Variants in GRID2 observed in about 807,000 individuals in gnomAD.
The protein encoded by GRID2 is glutamate receptor ionotropic, delta-2.
A neutral mutation model predicts 114.8 loss-of-function variants in GRID2; 33 were observed. That is an observed-to-expected ratio of 0.29 (90% CI 0.22 to 0.38). The LOEUF is 0.38. Ranked by LOEUF, GRID2 falls within the 10% of genes least tolerant of loss-of-function variation. The probability of loss-of-function intolerance (pLI) is 1.00; values close to 1 mark genes in which losing one functional copy is unlikely to be tolerated. For synonymous variants in GRID2, 505 were observed against 449.9 expected (o/e 1.12, Z -1.55); for missense variants, 1,184 against 1,257.7 (o/e 0.94, Z 0.89).
Position 92,986,214 on chromosome 4 carries a change from A to G in GRID2, c.245-98781A>G, listed in dbSNP as rs536655407. 6.6e-5 allele frequency among the ~76,000 whole-genome samples: 10 copies of G among 152,318 alleles called. No homozygotes were observed. The South Asian group carries it at 1.0e-3, about 16-fold the overall frequency. ...TCAAGGGAAAAGTATCTGAAGAAGG[A>G]TGGACTATATTTATAATCCATGCCA... is the stretch of plus-strand genomic sequence containing the variant. On this transcript the variant is annotated intron_variant, in intron 2 of 15. Transcript: ENST00000282020.
intron 2 of GRID2, among the ~76,000 whole-genome samples, chr4:93,076,354 A>G (rs1401910713): frequency 6.6e-6 from 1 of 152,184 alleles, no homozygotes; most frequent in Non-Finnish European, 1.5e-5. Flanking sequence ...TCTGCATGCC[A>G]TGCTAAGAGT....
At chr4:92,326,134 T>C (rs1242811003) in intron 1 of GRID2, among the ~76,000 whole-genome samples, 1 of 151,886 alleles carries the variant, frequency 6.6e-6, no homozygotes, top group African/African-American at 2.4e-5. Context: ...ACTGTTCTTT[T>C]ATAAAATTAA....
At chr4:93,503,506 T>G (rs1728335921) in intron 12 of GRID2, among the ~76,000 whole-genome samples, 1 of 126,842 alleles carries the variant, frequency 7.9e-6, no homozygotes, top group Admixed American at 9.0e-5. Context: ...CCTCGGTGTG[T>G]GATGTTCCCC....
At chr4:93,150,656 C>T (rs1736649773) in intron 4 of GRID2, among the ~76,000 whole-genome samples, 1 of 151,836 alleles carries the variant, frequency 6.6e-6, no homozygotes, top group Non-Finnish European at 1.5e-5. Context: ...GTTCCATCTG[C>T]ATTTTTCTTA....
intron 2 of GRID2, among the ~76,000 whole-genome samples, chr4:92,600,061 T>TATATATAA (rs1729149403): frequency 8.1e-6 from 1 of 123,266 alleles, no homozygotes; most frequent in Admixed American, 7.8e-5. Flanking sequence ...TATATATATA[T>TATATATAA]ATATATATAT....
chr4:92,861,210 C>G (rs1030206432), intron 2 of GRID2, among the ~76,000 whole-genome samples: 5 of 151,960 alleles, frequency 3.3e-5, no homozygotes, highest in Admixed American at 3.3e-4. Context: ...AAAGAATAAC[C>G]ATTTATCAGC....
At chr4:92,689,595 TA>T (rs993167789) in intron 2 of GRID2, among the ~76,000 whole-genome samples, 4 of 152,360 alleles carry the variant, frequency 2.6e-5, no homozygotes, top group African/African-American at 9.6e-5. Flanking sequence ...GGAGCTAGGT[TA>T]AGCACTCCTT....
chr4:92,756,001 AC>A (rs1737701954), intron 2 of GRID2, among the ~76,000 whole-genome samples: 1 of 152,142 alleles, frequency 6.6e-6, no homozygotes, highest in South Asian at 2.1e-4. Flanking sequence ...TTTGAAATGT[AC>A]AGTACATTGT....
rs141780389 is a variant in GRID2 at position 93,267,969 on chromosome 4, G to A, written c.1245+29479G>A. 4.7e-4 allele frequency among the ~76,000 whole-genome samples: 72 copies of A among 152,262 alleles called. No individual in the cohort carries two copies. The East Asian group carries it at 9.5e-3, about 20-fold the overall frequency. The stretch of plus-strand genomic sequence containing the variant: ...ATCTGGGGTGTGGTAGGGTCAGGAC[G>A]CTCCCCTGCGGCCTGGATTGCCTGG... On this transcript the variant is annotated intron_variant, in intron 8 of 15. Transcript: ENST00000282020.
At chr4:92,319,395 T>C (rs1349434861) in intron 1 of GRID2, among the ~76,000 whole-genome samples, 1 of 152,178 alleles carries the variant, frequency 6.6e-6, no homozygotes, top group East Asian at 1.9e-4. Flanking sequence ...GAATTTCCAA[T>C]GGAATAGTTC....
At chr4:92,422,612 G>C (rs1193063569) in intron 1 of GRID2, among the ~76,000 whole-genome samples, 5 of 151,886 alleles carry the variant, frequency 3.3e-5, no homozygotes, top group African/African-American at 1.2e-4. Context: ...CCTGGGTGGG[G>C]GCCACAAGAT....
chr4:93,678,053 T>G (rs1322958950), intron 14 of GRID2, among the ~76,000 whole-genome samples: 2 of 152,080 alleles, frequency 1.3e-5, no homozygotes, highest in Non-Finnish European at 1.5e-5. Context: ...AATGGATAAC[T>G]AGACTAACCA....
intron 2 of GRID2, among the ~76,000 whole-genome samples, chr4:92,671,508 G>C (rs149774500): frequency 6.1e-4 from 93 of 152,178 alleles, no homozygotes; most frequent in African/African-American, 2.2e-3. Flanking sequence ...TCATGTTACT[G>C]AACTGGCAGT....
chr4:93,723,061 C>T (rs1296790998), intron 14 of GRID2, among the ~76,000 whole-genome samples: 6 of 152,158 alleles, frequency 3.9e-5, no homozygotes, highest in Non-Finnish European at 7.3e-5. Context: ...TCTGATATGA[C>T]TTTCATCAAT....
intron 2 of GRID2, among the ~76,000 whole-genome samples, chr4:92,965,097 T>C (rs1753052717): frequency 6.6e-6 from 1 of 151,916 alleles, no homozygotes; most frequent in African/African-American, 2.4e-5. Flanking sequence ...CTTGAGCATG[T>C]AGAGACCATT....
intron 9 of GRID2, among the ~76,000 whole-genome samples, chr4:93,397,311 G>C (rs1012168341): frequency 6.6e-6 from 1 of 151,826 alleles, no homozygotes; most frequent in Non-Finnish European, 1.5e-5. Context: ...GCTTCTGTAT[G>C]TACCTAAGGG....
At chr4:93,720,113 G>A (rs991408389) in intron 14 of GRID2, among the ~76,000 whole-genome samples, 1 of 152,104 alleles carries the variant, frequency 6.6e-6, no homozygotes, top group Non-Finnish European at 1.5e-5. Flanking sequence ...AAAGAACAAA[G>A]TCCAATAGTT....
At chr4:93,325,796 C>A (rs1474727163) in intron 8 of GRID2, among the ~76,000 whole-genome samples, 2 of 151,914 alleles carry the variant, frequency 1.3e-5, no homozygotes, top group African/African-American at 4.8e-5. Context: ...ATACTGGAAC[C>A]TTTTGTTCAC....
At chr4:93,715,974 G>A (rs1288460700) in intron 14 of GRID2, among the ~76,000 whole-genome samples, 2 of 152,140 alleles carry the variant, frequency 1.3e-5, no homozygotes, top group Non-Finnish European at 1.5e-5. Context: ...CATTGAATAG[G>A]AGAGGTGAGA....
Sources: allele counts gnomAD v4.1 joint callset (sites outside exome capture counted in the v4.1 genomes callset), GRCh38; gene constraint gnomAD v4.1.1; transcripts MANE v1.5; gene names NCBI Gene and HGNC (gene_info 2026-07-23, HGNC 2026-07-21).